The following SLC22A9 variants were observed in gnomAD, a reference collection of about 807,000 sequenced individuals.
The protein encoded by SLC22A9 is solute carrier family 22 member 9.
A neutral mutation model predicts 50.1 loss-of-function variants in SLC22A9; 64 were observed. The ratio of observed to expected loss-of-function variants is 1.28; its 90% confidence interval spans 1.04 to 1.57. The LOEUF is 1.57. Among genes scored for constraint, SLC22A9 ranks in the 40% most tolerant of loss-of-function variants. The pLI, the probability that SLC22A9 is intolerant of heterozygous loss-of-function variation, is 0.00. For missense variants in SLC22A9, 757 were observed against 676.1 expected, an observed-to-expected ratio of 1.12 and a Z score of -1.33; for synonymous variants, 261 against 242.5, an observed-to-expected ratio of 1.08 and a Z score of -0.71.
In SLC22A9 at chr11:63,370,143, T is replaced by G; in HGVS notation, c.87T>G (p.Val29=). ...CTGTTTTTCTCTCAATCTTTGCTGT[T>G]GCTACATACCTTCATTTTATGCTGG... ...LQTVFLSIFA[V]ATYLHFMLEN... The change falls in exon 1 of 10, where the codon GTT becomes GTG. Residue 29 remains valine, a synonymous_variant. Coordinates refer to ENST00000279178, the MANE Select transcript of SLC22A9 (RefSeq NM_080866.3). The G allele has an allele frequency of 6.2e-7, 1 of 1,614,104 alleles. No individual in the cohort carries two copies. Among genetic ancestry groups the G allele is most frequent in the Non-Finnish European group, 8.5e-7 (1 of 1,179,938 alleles).
At position 63,373,630 on chromosome 11, in the gene SLC22A9, T is replaced by A; in HGVS notation, c.507-14T>A. On this transcript the variant is annotated splice_polypyrimidine_tract_variant and intron_variant, in intron 2 of 9. Coordinates refer to ENST00000279178, the MANE Select transcript of SLC22A9 (RefSeq NM_080866.3). ...GTTATTGTTCCCATTATCTAACCTGTTTCTGTTTCTCAGGTTTGGGAGAAG... is the reference window on the plus strand; with the variant it reads ...GTTATTGTTCCCATTATCTAACCTGATTCTGTTTCTCAGGTTTGGGAGAAG... The A allele has an allele frequency of 6.6e-7, 1 of 1,525,110 alleles. No individual in the cohort carries two copies. Among genetic ancestry groups the A allele is most frequent in the Non-Finnish European group, 8.8e-7 (1 of 1,141,088 alleles). 94.5% of individuals were successfully genotyped at this position (1,525,110 alleles called of 1,614,324 possible). A position where few individuals can be genotyped will look rare whatever the true frequency, so the allele number is the denominator to read the frequency against.
intron 5 of SLC22A9, 28 bp from the exon 6 acceptor site, chr11:63,382,131 C>G: frequency 6.4e-7 from 1 of 1,563,360 alleles, no homozygotes; most frequent in Non-Finnish European, 8.7e-7. Flanking sequence ...GACAACTGTA[C>G]AGTTTATTGT....
chr11:63,372,150 G>T (rs1467747190), intron 2 of SLC22A9, among the ~76,000 whole-genome samples: 1 of 152,104 alleles, frequency 6.6e-6, no homozygotes, highest in African/African-American at 2.4e-5. Flanking sequence ...GAGATGCCAG[G>T]CAGGAGATGA....
At chr11:63,378,146 T>C (rs1463614982) in intron 5 of SLC22A9, among the ~76,000 whole-genome samples, 2 of 151,962 alleles carry the variant, frequency 1.3e-5, no homozygotes, top group East Asian at 1.9e-4. Context: ...CCAATCCTAC[T>C]GAAATTATTC....
chr11:63,395,686 T>C (rs2014841762), intron 6 of SLC22A9, among the ~76,000 whole-genome samples: 1 of 152,180 alleles, frequency 6.6e-6, no homozygotes, highest in African/African-American at 2.4e-5. Context: ...ATTTTTGTGC[T>C]GGTTGGCCTC....
At chr11:63,376,948 G>A (rs1444514886) in intron 5 of SLC22A9, among the ~76,000 whole-genome samples, 1 of 151,886 alleles carries the variant, frequency 6.6e-6, no homozygotes, top group Non-Finnish European at 1.5e-5. Flanking sequence ...ATCAAAAAAG[G>A]CAAAAGGAGA....
intron 6 of SLC22A9, among the ~76,000 whole-genome samples, chr11:63,393,514 G>C (rs2014800492): frequency 1.3e-5 from 2 of 152,016 alleles, no homozygotes; most frequent in Admixed American, 1.3e-4. Flanking sequence ...GTTCTCAGAG[G>C]GAATGCTTTC....
chr11:63,370,351 C>A lies in SLC22A9; in HGVS notation c.295C>A (p.Leu99Ile). 2 of 1,614,000 alleles carry A rather than the reference C, an allele frequency of 1.2e-6. No individual in the cohort carries two copies. Among genetic ancestry groups the A allele is most frequent in the Non-Finnish European group, 1.7e-6 (2 of 1,179,890 alleles). Residue 99 changes from leucine (L) to isoleucine (I), a missense_variant, in exon 1 of 10, where the codon CTT becomes ATT. Transcript: ENST00000279178. ...RRFVHPQWQL[L>I]HLNGTFPNTS... ...CTTTGTTCATCCTCAGTGGCAGCTC[C>A]TTCACCTGAATGGGACCTTCCCCAA...
chr11:63,402,446 T>A (rs1036270799), intron 6 of SLC22A9, among the ~76,000 whole-genome samples: 18 of 152,244 alleles, frequency 1.2e-4, no homozygotes, highest in African/African-American at 3.8e-4. Context: ...TTCTGGGTTA[T>A]CTAATGACTG....
At chr11:63,379,463 A>G (rs61927994) in intron 5 of SLC22A9, among the ~76,000 whole-genome samples, 6,065 of 152,322 alleles carry the variant, frequency 0.04, 208 homozygotes, top group African/African-American at 0.082. Context: ...CAAAGGTCTC[A>G]TGACAAAGAC....
At chr11:63,370,486 G>A (rs1035338446) in intron 1 of SLC22A9, 28 bp downstream of exon 1, 1 of 1,532,664 alleles carries the variant, frequency 6.5e-7, no homozygotes, top group Non-Finnish European at 8.8e-7. Flanking sequence ...CGTCTCATGA[G>A]TATGTGACCT....
intron 5 of SLC22A9, among the ~76,000 whole-genome samples, chr11:63,380,727 G>A (rs1419771972): frequency 1.3e-5 from 2 of 151,962 alleles, no homozygotes; most frequent in Admixed American, 1.3e-4. Context: ...GTAAGAAGGT[G>A]AGGATCAAAA....
Position 63,408,812 on chromosome 11 carries a change from G to T in SLC22A9, c.1534G>T (p.Ala512Ser), listed in dbSNP as rs555730358. The change falls in exon 9 of 10, where the codon GCT (alanine) becomes TCT (serine). Residue 512 changes from alanine (A) to serine (S), a missense_variant. Physicochemically the swap from Ala to Ser is moderately conservative, Grantham distance 99. Coordinates refer to ENST00000279178, the MANE Select transcript of SLC22A9 (RefSeq NM_080866.3). ...YGVFPFISGF[A>S]FLLLPETRNK... is the part of the protein sequence containing the mutation. Reference sequence around the variant, plus strand: ...AGTCTTCCCCTTCATCTCTGGCTTTGCTTTCCTCCTCCTTCCTGAAACCAG... The same window carrying T: ...AGTCTTCCCCTTCATCTCTGGCTTTTCTTTCCTCCTCCTTCCTGAAACCAG... 81 of 1,613,782 alleles carry T rather than the reference G, an allele frequency of 5.0e-5. 1 individual carries two copies. In the South Asian group the frequency reaches 8.6e-4, roughly 17 times the overall value.
At position 63,408,662 on chromosome 11, in the gene SLC22A9, G is replaced by A; in HGVS notation, c.1398-14G>A. 2.5e-6 allele frequency: 4 copies of A among 1,601,978 alleles called. No homozygotes were observed. The highest frequency in any genetic ancestry group is 3.4e-6 in the Non-Finnish European group (4 of 1,170,074). ...TTTTAACAGATATTCTTGTATTGCT[G>A]TTTCCACTCAAAGGGCAAGAGCTAT... On this transcript the variant is annotated splice_polypyrimidine_tract_variant and intron_variant, in intron 8 of 9. Coordinates refer to ENST00000279178, the MANE Select transcript of SLC22A9 (RefSeq NM_080866.3).
chr11:63,369,856 C>A lies in SLC22A9; in HGVS notation c.-201C>A. The stretch of plus-strand genomic sequence containing the variant: ...TCTTACGTGACTTTAGAGAAAACGG[C>A]TACCTATCTGACCCCAAAACGACTT... On this transcript the variant is annotated 5_prime_UTR_variant, in exon 1 of 10. Transcript: ENST00000279178. 3 of 515,474 alleles carry A rather than the reference C, an allele frequency of 5.8e-6. No individual in the cohort carries two copies. Among genetic ancestry groups the A allele is most frequent in the Non-Finnish European group, 1.0e-5 (3 of 296,456 alleles). 31.9% of individuals were successfully genotyped at this position (515,474 alleles called of 1,614,324 possible). A position where few individuals can be genotyped will look rare whatever the true frequency, so the allele number is the denominator to read the frequency against.
At chr11:63,383,772 C>T (rs950230051) in intron 6 of SLC22A9, among the ~76,000 whole-genome samples, 2 of 152,068 alleles carry the variant, frequency 1.3e-5, no homozygotes, top group Admixed American at 6.6e-5. Context: ...ATGAACAGGT[C>T]GGGCGCAGTG....
chr11:63,400,207 A>C (rs1156918863), intron 6 of SLC22A9, among the ~76,000 whole-genome samples: 1 of 152,066 alleles, frequency 6.6e-6, no homozygotes, highest in African/African-American at 2.4e-5. Flanking sequence ...AAATTGATAC[A>C]AAAAATACAA....
rs148698731 is a variant in SLC22A9, at chr11:63,400,748, T to C, written c.1074-5749T>C. On this transcript the variant is annotated intron_variant, in intron 6 of 9. Transcript: ENST00000279178. ...TCACTGATGAACATAGATGTAAAAA[T>C]TCTCAACAAAATAGTAGCAAACAAA... 2.5e-3 allele frequency among the ~76,000 whole-genome samples: 375 copies of C among 152,080 alleles called. 2 individuals carry two copies. The highest frequency in any genetic ancestry group is 8.5e-3 in the African/African-American group (351 of 41,526).
intron 6 of SLC22A9, among the ~76,000 whole-genome samples, chr11:63,403,553 T>C (rs1029527094): frequency 6.6e-6 from 1 of 152,072 alleles, no homozygotes; most frequent in African/African-American, 2.4e-5. Flanking sequence ...AAATGACTAA[T>C]GTGAAAAGTC....
Sources: allele counts gnomAD v4.1 joint callset (sites outside exome capture counted in the v4.1 genomes callset), GRCh38; gene constraint gnomAD v4.1.1; transcripts MANE v1.5; gene names NCBI Gene and HGNC (gene_info 2026-07-23, HGNC 2026-07-21).